USP6NL: variants seen among roughly 807,000 people sequenced by gnomAD.
The protein encoded by USP6NL is USP6 N-terminal like.
In USP6NL, 26 loss-of-function variants were observed where a neutral mutation model predicts 61.9. The observed-to-expected ratio is 0.42, with a 90% CI of 0.31 to 0.58. The LOEUF (loss-of-function observed/expected upper bound fraction) is 0.58. Among genes scored for constraint, USP6NL ranks in the 20% least tolerant of loss-of-function variants. The pLI, the probability that USP6NL is intolerant of heterozygous loss-of-function variation, is 0.16. For missense variants in USP6NL, 1,114 were observed against 1,034.3 expected, an observed-to-expected ratio of 1.08 and a Z score of -1.06; for synonymous variants, 432 against 390.1, an observed-to-expected ratio of 1.11 and a Z score of -1.27.
rs1380397477 is a variant in USP6NL at position 11,600,828 on chromosome 10, C to T, written c.-83-3111G>A. Among the ~76,000 whole-genome samples the T allele has an allele frequency of 6.6e-6, 1 of 151,962 alleles. No individual in the cohort carries two copies. Among genetic ancestry groups the T allele is most frequent in the Admixed American group, 6.6e-5 (1 of 15,250 alleles). ...ACTAAAAATATAAAAATTAGCTGGG[C>T]GTGGTGGCAGCCGCCTGTAATGCCA... On this transcript the variant is annotated intron_variant, in intron 1 of 14. Transcript: ENST00000609104. This position sits in a 1 kb window ranked among gnomAD's most constrained non-coding sequence, Gnocchi z 4.1.
Position 11,537,098 on chromosome 10 carries a change from G to A in USP6NL, c.5-9531C>T, listed in dbSNP as rs1835862080. ...CCATACATATCTTCATATTCCTCCAGGTTTTGTTTTTGGGGGATTTTGTTT... is the reference window on the plus strand; with the variant it reads ...CCATACATATCTTCATATTCCTCCAAGTTTTGTTTTTGGGGGATTTTGTTT... On this transcript the variant is annotated intron_variant, in intron 2 of 14. Transcript: ENST00000609104. This position sits in a 1 kb window ranked among gnomAD's most constrained non-coding sequence, Gnocchi z 5.1. 1.3e-5 allele frequency among the ~76,000 whole-genome samples: 2 copies of A among 151,192 alleles called. No individual in the cohort carries two copies. The highest frequency in any genetic ancestry group is 3.9e-4 in the East Asian group (2 of 5,074).
chr10:11,531,733 T>A (rs977955590), intron 2 of USP6NL, among the ~76,000 whole-genome samples: 4 of 152,182 alleles, frequency 2.6e-5, no homozygotes, highest in Admixed American at 1.3e-4. Context: ...TGATTTTTTT[T>A]ATCTAATGTA....
At chr10:11,535,780 C>A (rs948992050) in intron 2 of USP6NL, among the ~76,000 whole-genome samples, 1 of 152,132 alleles carries the variant, frequency 6.6e-6, no homozygotes, top group African/African-American at 2.4e-5. Flanking sequence ...TCTCACTGAA[C>A]CATGGACTAA....
At chr10:11,502,933 T>C (rs551541311) in intron 6 of USP6NL, among the ~76,000 whole-genome samples, 2 of 152,324 alleles carry the variant, frequency 1.3e-5, no homozygotes, top group Admixed American at 6.5e-5. Context: ...AGGCTTCATG[T>C]TGACCATAAA....
rs1442606505 is a variant in USP6NL at position 11,461,818 on chromosome 10, T to G, written c.*623A>C. The G allele has an allele frequency of 1.3e-5, 2 of 152,212 alleles. No homozygotes were observed. The highest frequency in any genetic ancestry group is 2.9e-5 in the Non-Finnish European group (2 of 68,062). 9.4% of individuals were successfully genotyped at this position (152,212 alleles called of 1,614,324 possible). On this transcript the variant is annotated 3_prime_UTR_variant, in exon 15 of 15. Transcript: ENST00000609104. ...AGCTGAAGGAGAATGATGAGCATTC[T>G]GTGAGACTGCAATTAATAAAGTCAG...
Position 11,574,956 on chromosome 10 carries a change from G to A in USP6NL, c.4+22675C>T, listed in dbSNP as rs148219994. ...GTGAAGTTTTCAGCTCTTCAGACACGACGTGCTACACCATGTACATATATA... is the reference window on the plus strand; with the variant it reads ...GTGAAGTTTTCAGCTCTTCAGACACAACGTGCTACACCATGTACATATATA... On this transcript the variant is annotated intron_variant, in intron 2 of 14. Transcript: ENST00000609104. The surrounding 1 kb of genome is among the most constrained non-coding windows in gnomAD (Gnocchi z 4.3). 2.0e-5 allele frequency among the ~76,000 whole-genome samples: 3 copies of A among 152,258 alleles called. No homozygotes were observed. The highest frequency in any genetic ancestry group is 4.8e-5 in the African/African-American group (2 of 41,554).
At chr10:11,519,368 G>A (rs973140682) in intron 4 of USP6NL, among the ~76,000 whole-genome samples, 2 of 152,184 alleles carry the variant, frequency 1.3e-5, no homozygotes, top group Admixed American at 6.5e-5. Context: ...GGTGGCTCAC[G>A]CCTGTAATCC....
At chr10:11,523,760 G>C (rs1274246388) in intron 4 of USP6NL, among the ~76,000 whole-genome samples, 1 of 152,078 alleles carries the variant, frequency 6.6e-6, no homozygotes, top group Non-Finnish European at 1.5e-5. Context: ...TACCATATTT[G>C]GACCATCTTA....
chr10:11,520,378 A>C lies in USP6NL; in HGVS notation c.156-1804T>G, dbSNP rs571041366. Among the ~76,000 whole-genome samples the C allele has an allele frequency of 1.2e-4, 19 of 152,328 alleles. No homozygotes were observed. In the East Asian group the frequency reaches 2.1e-3, roughly 17 times the overall value. ...ATGGAGAATCTGCTGTGTGCATACC[A>C]ATCTCCACAGAGCTTTTCCCCCTCA... On this transcript the variant is annotated intron_variant, in intron 4 of 14. Coordinates refer to ENST00000609104, the MANE Select transcript of USP6NL (RefSeq NM_014688.5). The surrounding 1 kb of genome is among the most constrained non-coding windows in gnomAD (Gnocchi z 5.2).
intron 2 of USP6NL, among the ~76,000 whole-genome samples, chr10:11,566,859 C>A (rs527480735): frequency 2.0e-5 from 3 of 152,364 alleles, no homozygotes; most frequent in Non-Finnish European, 4.4e-5. Flanking sequence ...CGCCTGTAAT[C>A]CCAAAACTTT....
In USP6NL at chr10:11,495,674, T is replaced by C. The variant is rs553787995; in HGVS notation, c.385-2446A>G. Among the ~76,000 whole-genome samples the C allele has an allele frequency of 6.6e-6, 1 of 152,344 alleles. No individual in the cohort carries two copies. The highest frequency in any genetic ancestry group is 2.1e-4 in the South Asian group (1 of 4,828). The stretch of plus-strand genomic sequence containing the variant: ...TCCTTTTTATAGCATTCTATACTTG[T>C]TTTATGGATGCAGTATCTATTTTTC... On this transcript the variant is annotated intron_variant, in intron 7 of 14. Coordinates refer to ENST00000609104, the MANE Select transcript of USP6NL (RefSeq NM_014688.5). This position sits in a 1 kb window ranked among gnomAD's most constrained non-coding sequence, Gnocchi z 4.6.
chr10:11,501,596 A>G (rs1175811705), intron 6 of USP6NL, among the ~76,000 whole-genome samples: 1 of 152,172 alleles, frequency 6.6e-6, no homozygotes, highest in Non-Finnish European at 1.5e-5. Flanking sequence ...CACACACCTA[A>G]AAGATGCTCC....
intron 2 of USP6NL, among the ~76,000 whole-genome samples, chr10:11,555,436 A>ATG (rs1836662774): frequency 2.8e-5 from 2 of 70,428 alleles, no homozygotes; most frequent in Non-Finnish European, 5.1e-5. Flanking sequence ...AAAAAAAAAT[A>ATG]TATATATATA....
At chr10:11,570,652 A>G (rs1837320877) in intron 2 of USP6NL, among the ~76,000 whole-genome samples, 1 of 152,276 alleles carries the variant, frequency 6.6e-6, no homozygotes, top group East Asian at 1.9e-4. Flanking sequence ...TCAAATAAAC[A>G]TGAGGCTTTT....
chr10:11,463,255 T>G lies in USP6NL; in HGVS notation c.1673A>C (p.Glu558Ala), dbSNP rs1263076711. The G allele has an allele frequency of 3.1e-6, 5 of 1,613,728 alleles. No individual in the cohort carries two copies. The East Asian group carries it at 1.1e-4, about 36-fold the overall frequency. ...CTCCACGGAAGCGCCGCTGTCCAGC[T>G]CCGGGCCTGGCACGTTGTCGTACTG... ...ASQYDNVPGP[E>A]LDSGASVEEA... The change falls in exon 15 of 15, where the codon GAG (glutamate) becomes GCG (alanine). Residue 558 changes from glutamate (E) to alanine (A), a missense_variant. Physicochemically the swap from Glu to Ala is moderately radical, Grantham distance 107 (BLOSUM62 -1). Transcript: ENST00000609104. The surrounding 1 kb of genome is among the most constrained non-coding windows in gnomAD (Gnocchi z 6.3).
At chr10:11,588,750 A>G (rs1339294879) in intron 2 of USP6NL, among the ~76,000 whole-genome samples, 1 of 152,192 alleles carries the variant, frequency 6.6e-6, no homozygotes, top group Non-Finnish European at 1.5e-5. Context: ...TTTATATCAC[A>G]TTGTCAGGGA....
In USP6NL at chr10:11,513,189, T is replaced by C. The variant is rs1591869228; in HGVS notation, c.196-3514A>G. ...AACCCTATGAAGGAATTAATAACATTCTGTGGTCTCAAGGTGGAGGGGTGG... is the reference window on the plus strand; with the variant it reads ...AACCCTATGAAGGAATTAATAACATCCTGTGGTCTCAAGGTGGAGGGGTGG... On this transcript the variant is annotated intron_variant, in intron 5 of 14. Coordinates refer to ENST00000609104, the MANE Select transcript of USP6NL (RefSeq NM_014688.5). This position sits in a 1 kb window ranked among gnomAD's most constrained non-coding sequence, Gnocchi z 4.7. Among the ~76,000 whole-genome samples the C allele has an allele frequency of 6.6e-6, 1 of 152,182 alleles. No individual in the cohort carries two copies. Among genetic ancestry groups the C allele is most frequent in the East Asian group, 1.9e-4 (1 of 5,198 alleles).
intron 2 of USP6NL, among the ~76,000 whole-genome samples, chr10:11,594,195 G>A (rs577515902): frequency 1.2e-4 from 19 of 152,120 alleles, no homozygotes; most frequent in East Asian, 9.7e-4. Context: ...AAGACAGATC[G>A]CTCTAATACT....
At position 11,499,546 on chromosome 10, in the gene USP6NL, G is replaced by A. The variant is rs1834084628; in HGVS notation, c.384+1555C>T. On this transcript the variant is annotated intron_variant, in intron 7 of 14. Transcript: ENST00000609104. The surrounding 1 kb of genome is among the most constrained non-coding windows in gnomAD (Gnocchi z 4.5). ...GCCGGGGTAATCAAGTTAGGATGAG[G>A]TCATCCTGGATGAGGGTGGACCCTA... 6.6e-6 allele frequency among the ~76,000 whole-genome samples: 1 copy of A among 152,176 alleles called. No homozygotes were observed.
Sources: gnomAD v4.1 joint callset for allele counts (sites outside exome capture counted in the v4.1 genomes callset) on GRCh38, gnomAD v4.1.1 for gene constraint, Gnocchi (gnomAD v3.1) non-coding constraint, MANE v1.5 for transcripts, NCBI Gene and HGNC (gene_info 2026-07-23, HGNC 2026-07-21) for gene names.